The following PTPRN2 variants were observed in gnomAD, a reference collection of about 807,000 sequenced individuals.
PTPRN2 encodes protein tyrosine phosphatase receptor type N2.
PTPRN2 carries 74 observed loss-of-function variants against 118.8 expected under a neutral mutation model. That is an observed-to-expected ratio of 0.62 (90% CI 0.52 to 0.76). The LOEUF is 0.76. PTPRN2 is among the 30% of genes least tolerant of loss of function. PTPRN2 has a pLI of 0.00. For missense variants in PTPRN2, 1,481 were observed against 1,394.4 expected (o/e 1.06, Z -0.99); for synonymous variants, 641 against 608.0 (o/e 1.05, Z -0.80).
chr7:158,261,718 G>A lies in PTPRN2; in HGVS notation c.277+55101C>T, dbSNP rs1397009087. Among the ~76,000 whole-genome samples, 3 of 152,210 alleles carry A rather than the reference G, an allele frequency of 2.0e-5. No homozygotes were observed. The South Asian group carries it at 6.2e-4, about 32-fold the overall frequency. On this transcript the variant is annotated intron_variant, in intron 3 of 22. Coordinates refer to ENST00000389418, the MANE Select transcript of PTPRN2 (RefSeq NM_002847.5). ...CCTGTCTGGGCATGCACACCGCCAG[G>A]ACACAGCAGCTCTGTGGAAGACGCC...
At chr7:157,643,912 C>T (rs1489257053) in intron 14 of PTPRN2, among the ~76,000 whole-genome samples, 6 of 152,256 alleles carry the variant, frequency 3.9e-5, no homozygotes, top group African/African-American at 1.4e-4. Context: ...CGGCCAGCCT[C>T]ATAGTGCTCG....
chr7:158,024,355 A>G (rs4716881), intron 11 of PTPRN2, among the ~76,000 whole-genome samples: 86,356 of 152,124 alleles, frequency 0.57, 26,406 homozygotes, highest in East Asian at 0.76. Context: ...AGAAGAACAC[A>G]GGTTCCCTGA....
intron 11 of PTPRN2, among the ~76,000 whole-genome samples, chr7:158,070,307 C>CATGGTGATGGAGGTG (rs1563386115): frequency 7.1e-6 from 1 of 140,620 alleles, no homozygotes; most frequent in Non-Finnish European, 1.5e-5. Context: ...TGGAGGTGCT[C>CATGGTGATGGAGGTG]CTGGTGGTGG....
intron 2 of PTPRN2, among the ~76,000 whole-genome samples, chr7:158,453,802 C>T (rs962746755): frequency 3.3e-5 from 5 of 152,254 alleles, no homozygotes; most frequent in Admixed American, 6.5e-5. Flanking sequence ...AGGGAACCGA[C>T]GGAGACACTT....
chr7:158,366,453 C>CA (rs1809532127), intron 2 of PTPRN2, among the ~76,000 whole-genome samples: 1 of 150,430 alleles, frequency 6.6e-6, no homozygotes, highest in African/African-American at 2.4e-5. Flanking sequence ...GCACACACAC[C>CA]CACACACCCA....
intron 4 of PTPRN2, among the ~76,000 whole-genome samples, chr7:158,202,737 C>A (rs1015886007): frequency 6.6e-6 from 1 of 152,194 alleles, no homozygotes; most frequent in Non-Finnish European, 1.5e-5. Flanking sequence ...ATCCAACCTA[C>A]AGAATGGTAA....
At chr7:157,574,886 T>C (rs1585050855) in intron 19 of PTPRN2, among the ~76,000 whole-genome samples, 1 of 152,258 alleles carries the variant, frequency 6.6e-6, no homozygotes, top group Non-Finnish European at 1.5e-5. Context: ...AAGGTGGCCT[T>C]GGCCGAAACG....
rs370507088 is a variant in PTPRN2 at position 157,734,177 on chromosome 7, A to T, written c.1789-51240T>A. Among the ~76,000 whole-genome samples the T allele has an allele frequency of 3.7e-3, 181 of 49,188 alleles. 22 individuals carry two copies. The highest frequency in any genetic ancestry group is 0.016 in the African/African-American group (134 of 8,426). The allele number at this position is 49,188 out of a possible 152,430, so 32.3% of individuals were successfully genotyped here. ...ACAGTTACTCTTTTCCACCCCATGCACCCAGCACAGTTACTCTTTTCCGTC... is the reference window on the plus strand; with the variant it reads ...ACAGTTACTCTTTTCCACCCCATGCTCCCAGCACAGTTACTCTTTTCCGTC... On this transcript the variant is annotated intron_variant, in intron 12 of 22. Transcript: ENST00000389418.
chr7:157,864,645 G>T (rs1810500062), intron 12 of PTPRN2: 1 of 152,344 alleles, frequency 6.6e-6, no homozygotes, highest in African/African-American at 2.4e-5. Context: ...GCTGTGTGTG[G>T]TATGCACCTG....
chr7:157,980,194 G>A (rs1803030817), intron 11 of PTPRN2, among the ~76,000 whole-genome samples: 1 of 152,184 alleles, frequency 6.6e-6, no homozygotes, highest in South Asian at 2.1e-4. Flanking sequence ...GGAACTTGTT[G>A]ATCAGGGTAT....
At chr7:158,365,960 G>A (rs1809450521) in intron 2 of PTPRN2, among the ~76,000 whole-genome samples, 1 of 133,164 alleles carries the variant, frequency 7.5e-6, no homozygotes, top group Non-Finnish European at 1.6e-5. Context: ...ACATGCACAT[G>A]CACACATGCA....
At chr7:157,827,741 A>T (rs1807280854) in intron 12 of PTPRN2, among the ~76,000 whole-genome samples, 1 of 152,054 alleles carries the variant, frequency 6.6e-6, no homozygotes, top group Non-Finnish European at 1.5e-5. Flanking sequence ...TGGTGTCTCC[A>T]CTACGACTCA....
chr7:158,179,859 C>T (rs1008848354), intron 5 of PTPRN2, among the ~76,000 whole-genome samples: 2 of 152,206 alleles, frequency 1.3e-5, no homozygotes, highest in African/African-American at 4.8e-5. Context: ...ATGGCAATGA[C>T]CTGATGACCC....
At chr7:158,187,015 C>T (rs1825221975) in intron 5 of PTPRN2, among the ~76,000 whole-genome samples, 1 of 152,202 alleles carries the variant, frequency 6.6e-6, no homozygotes, top group East Asian at 1.9e-4. Context: ...TTATGGTGTT[C>T]TGCATGATGA....
At chr7:157,648,755 T>G (rs1402951607) in intron 14 of PTPRN2, among the ~76,000 whole-genome samples, 1 of 145,324 alleles carries the variant, frequency 6.9e-6, no homozygotes, top group Non-Finnish European at 1.5e-5. Flanking sequence ...CAGTGTGCAC[T>G]GAACTCGGTG....
At chr7:157,664,770 C>CA (rs1167025174) in intron 13 of PTPRN2, among the ~76,000 whole-genome samples, 3 of 152,088 alleles carry the variant, frequency 2.0e-5, no homozygotes, top group Admixed American at 2.0e-4. Context: ...CTACACCCGC[C>CA]AAAAATACAG....
chr7:157,994,240 C>G (rs1452405480), intron 11 of PTPRN2, among the ~76,000 whole-genome samples: 1 of 152,194 alleles, frequency 6.6e-6, no homozygotes, highest in Non-Finnish European at 1.5e-5. Context: ...CCACTTAACA[C>G]TGGGTGGCAA....
At chr7:158,341,725 A>T (rs1806850065) in intron 2 of PTPRN2, among the ~76,000 whole-genome samples, 2 of 142,944 alleles carry the variant, frequency 1.4e-5, no homozygotes, top group East Asian at 2.1e-4. Context: ...CATAGAGCTG[A>T]CGCCCGCAGA....
rs573524648 is a variant in PTPRN2, at chr7:157,861,121, T to G, written c.1788+37552A>C. On this transcript the variant is annotated intron_variant, in intron 12 of 22. Coordinates refer to ENST00000389418, the MANE Select transcript of PTPRN2 (RefSeq NM_002847.5). This position sits in a 1 kb window ranked among gnomAD's most constrained non-coding sequence, Gnocchi z 5.8. ...CATGTGGGACCCCAGCACGGGCGCT[T>G]TGGGATGTCGGCAGAGGCACGCATG... is the stretch of plus-strand genomic sequence containing the variant. Among the ~76,000 whole-genome samples the G allele has an allele frequency of 2.5e-4, 38 of 152,244 alleles. 1 individual carries two copies. Among genetic ancestry groups the G allele is most frequent in the Admixed American group, 2.4e-3 (36 of 15,298 alleles).
Sources: allele counts gnomAD v4.1 joint callset (sites outside exome capture counted in the v4.1 genomes callset), GRCh38; gene constraint gnomAD v4.1.1; non-coding constraint Gnocchi (gnomAD v3.1); transcripts MANE v1.5; gene names NCBI Gene and HGNC (gene_info 2026-07-23, HGNC 2026-07-21).